CLEC4A: variants seen among roughly 807,000 people sequenced by gnomAD.
CLEC4A encodes the protein C-type lectin domain family 4 member A.
In CLEC4A, 27 loss-of-function variants were observed where a neutral mutation model predicts 32.7. The observed-to-expected ratio is 0.83, with a 90% CI of 0.61 to 1.14. The LOEUF is 1.14. Ranked by LOEUF, CLEC4A falls within the 50% of genes most tolerant of loss-of-function variation. The probability of loss-of-function intolerance (pLI) is 0.00; values close to 1 mark genes in which losing one functional copy is unlikely to be tolerated. For synonymous variants in CLEC4A, 89 were observed against 93.7 expected (o/e 0.95, Z 0.29); for missense variants, 253 against 274.6 (o/e 0.92, Z 0.55).
chr12:8,134,546 C>T (rs1408144654), intron 3 of CLEC4A: 40 of 1,613,580 alleles, frequency 2.5e-5, no homozygotes, highest in Non-Finnish European at 3.1e-5. Context: ...TGCTCTCCAC[C>T]CCGACTCCTG....
the CLEC4A span, among the ~76,000 whole-genome samples, chr12:8,118,562 C>G: frequency 1.3e-5 from 2 of 152,146 alleles, no homozygotes; most frequent in African/African-American, 4.8e-5. Flanking sequence ...GCACTTCACA[C>G]GACCAGAGCA....
chr12:8,115,821 C>T, the CLEC4A span, among the ~76,000 whole-genome samples: 1 of 151,882 alleles, frequency 6.6e-6, no homozygotes, highest in Admixed American at 6.6e-5. Context: ...CAGAGTCTTG[C>T]CCTGTTGTCC....
chr12:8,124,361 G>C (rs949371359), intron 1 of CLEC4A, among the ~76,000 whole-genome samples: 1 of 152,094 alleles, frequency 6.6e-6, no homozygotes, highest in African/African-American at 2.4e-5. Flanking sequence ...TTTGTTTTTT[G>C]ATCAGTTAGA....
At chr12:8,127,296 G>A (rs1336706011) in intron 2 of CLEC4A, among the ~76,000 whole-genome samples, 1 of 152,230 alleles carries the variant, frequency 6.6e-6, no homozygotes, top group Non-Finnish European at 1.5e-5. Flanking sequence ...TTTTAAGACT[G>A]AGAGCGGAAG....
chr12:8,138,445 T>A lies in CLEC4A; in HGVS notation c.*158T>A. The A allele has an allele frequency of 4.6e-6, 4 of 860,350 alleles. No individual in the cohort carries two copies. The highest frequency in any genetic ancestry group is 7.0e-6 in the Non-Finnish European group (4 of 569,442). 53.3% of individuals were successfully genotyped at this position (860,350 alleles called of 1,614,324 possible). On this transcript the variant is annotated 3_prime_UTR_variant, in exon 6 of 6. Coordinates refer to ENST00000229332, the MANE Select transcript of CLEC4A (RefSeq NM_016184.4). ...AGAATTGGTCTGTACATTGACTGAT[T>A]CACTTTTTCATAAAGTGAGCATTTA... is the stretch of plus-strand genomic sequence containing the variant.
At chr12:8,127,920 G>A (rs1388110279) in intron 2 of CLEC4A, among the ~76,000 whole-genome samples, 1 of 152,168 alleles carries the variant, frequency 6.6e-6, no homozygotes, top group African/African-American at 2.4e-5. Flanking sequence ...TTTTGGGCAT[G>A]TTGAGTTTTA....
intron 3 of CLEC4A, among the ~76,000 whole-genome samples, chr12:8,133,126 G>A (rs1453054342): frequency 6.6e-6 from 1 of 152,120 alleles, no homozygotes; most frequent in Non-Finnish European, 1.5e-5. Context: ...TGTTGGTCAG[G>A]CTGGTCTCAA....
At chr12:8,137,571 A>G (rs1362566878) in intron 5 of CLEC4A, among the ~76,000 whole-genome samples, 2 of 152,230 alleles carry the variant, frequency 1.3e-5, no homozygotes, top group Non-Finnish European at 2.9e-5. Context: ...ATTACATAAA[A>G]TACATACTTT....
chr12:8,103,918 G>C, the CLEC4A span, among the ~76,000 whole-genome samples: 1 of 152,054 alleles, frequency 6.6e-6, no homozygotes, highest in African/African-American at 2.4e-5. Flanking sequence ...TTCCTCACTT[G>C]TTTTAAGCTC....
At chr12:8,111,874 T>G in the CLEC4A span, among the ~76,000 whole-genome samples, 5 of 151,528 alleles carry the variant, frequency 3.3e-5, no homozygotes, top group Non-Finnish European at 7.4e-5. Context: ...TCAACTTTTT[T>G]TTTTAGACTC....
At chr12:8,133,726 G>C (rs1383059063) in intron 3 of CLEC4A, 1 of 1,585,080 alleles carries the variant, frequency 6.3e-7, no homozygotes, top group Admixed American at 1.8e-5. Flanking sequence ...TCTTTCCCTA[G>C]CTCCTCCCCT....
chr12:8,122,982 G>A (rs1311902060), upstream of CLEC4A, among the ~76,000 whole-genome samples: 14 of 152,072 alleles, frequency 9.2e-5, no homozygotes, highest in Non-Finnish European at 1.5e-5. Flanking sequence ...TTAATATTTG[G>A]AGTGTTTTCT....
At chr12:8,136,117 T>C (rs1948112282) in intron 4 of CLEC4A, among the ~76,000 whole-genome samples, 1 of 152,142 alleles carries the variant, frequency 6.6e-6, no homozygotes, top group African/African-American at 2.4e-5. Flanking sequence ...CAATCAACAC[T>C]CAGGAATGAA....
chr12:8,116,927 C>T, the CLEC4A span, among the ~76,000 whole-genome samples: 1 of 152,168 alleles, frequency 6.6e-6, no homozygotes, highest in South Asian at 2.1e-4. Flanking sequence ...CATTTTATCA[C>T]AATCAAGCCT....
chr12:8,104,167 AT>A, the CLEC4A span, among the ~76,000 whole-genome samples: 143,575 of 146,102 alleles, frequency 0.98, 70,542 homozygotes, highest in South Asian at 1. Flanking sequence ...AGAAAATCTC[AT>A]TTTTTTTTTT....
At chr12:8,130,233 G>T (rs750896690) in intron 3 of CLEC4A, among the ~76,000 whole-genome samples, 1 of 152,170 alleles carries the variant, frequency 6.6e-6, no homozygotes, top group African/African-American at 2.4e-5. Context: ...AGACTTCTTC[G>T]ACCTTTGCTT....
chr12:8,137,999 C>T lies in CLEC4A; in HGVS notation c.567-141C>T, dbSNP rs909832604. On this transcript the variant is annotated intron_variant, in intron 5 of 5. Coordinates refer to ENST00000229332, the MANE Select transcript of CLEC4A (RefSeq NM_016184.4). ...GGAAATGCAGATGGAGGAGAAGCTG[C>T]ATGATGAGTAGCAGAAAGGTGGATT... is the stretch of plus-strand genomic sequence containing the variant. 5.9e-6 allele frequency: 5 copies of T among 847,078 alleles called. No individual in the cohort carries two copies. In the African/African-American group the frequency reaches 8.7e-5, roughly 15 times the overall value. 52.5% of individuals were successfully genotyped at this position (847,078 alleles called of 1,614,324 possible).
intron 2 of CLEC4A, among the ~76,000 whole-genome samples, chr12:8,125,989 C>A (rs1243721902): frequency 1.3e-5 from 2 of 152,186 alleles, no homozygotes; most frequent in Admixed American, 6.5e-5. Context: ...GAGGACAAAT[C>A]TATGTTTCCT....
At chr12:8,106,689 C>G in the CLEC4A span, among the ~76,000 whole-genome samples, 1 of 151,840 alleles carries the variant, frequency 6.6e-6, no homozygotes, top group Non-Finnish European at 1.5e-5. Context: ...TTTGATTTGC[C>G]TCTCAGCTTG....
Sources: allele counts gnomAD v4.1 joint callset (sites outside exome capture counted in the v4.1 genomes callset), GRCh38; gene constraint gnomAD v4.1.1; transcripts MANE v1.5; gene names NCBI Gene and HGNC (gene_info 2026-07-23, HGNC 2026-07-21).